The following C11orf65 variants were observed in gnomAD, a reference collection of about 807,000 sequenced individuals.
C11orf65 encodes the protein protein MFI.
C11orf65 carries 38 observed loss-of-function variants against 35.3 expected under a neutral mutation model. That is an observed-to-expected ratio of 1.08 (90% CI 0.83 to 1.41). The LOEUF is 1.41. C11orf65 is among the 40% of genes most tolerant of loss of function. The pLI is 0.00. For missense variants in C11orf65, 370 were observed against 367.1 expected (o/e 1.01, Z -0.06); for synonymous variants, 105 against 114.4 (o/e 0.92, Z 0.53).
chr11:108,336,041 A>T, intron 2 of C11orf65: 1 of 1,096,294 alleles, frequency 9.1e-7, no homozygotes, highest in Non-Finnish European at 1.4e-6. Flanking sequence ...TCATGCCCAT[A>T]TTCATAATGC....
chr11:108,404,460 T>C (rs1485978215), intron 6 of C11orf65, among the ~76,000 whole-genome samples: 1 of 152,158 alleles, frequency 6.6e-6, no homozygotes, highest in Non-Finnish European at 1.5e-5. Flanking sequence ...CAGGCTGGAG[T>C]GCAGTGGTGC....
At chr11:108,326,259 A>G (rs2136343046) in intron 6 of C11orf65, 5 of 1,612,128 alleles carry the variant, frequency 3.1e-6, no homozygotes, top group Non-Finnish European at 4.2e-6. Context: ...TTAGTGTTTT[A>G]CTGTTATTTA....
intron 3 of C11orf65, 22 bp downstream of exon 3, chr11:108,431,724 T>C (rs2092992931): frequency 8.1e-7 from 1 of 1,236,294 alleles, no homozygotes; most frequent in Non-Finnish European, 1.1e-6. Flanking sequence ...TAGGATGCTA[T>C]ATCAATAAGT....
chr11:108,322,129 A>T (rs2085276910), intron 6 of C11orf65, among the ~76,000 whole-genome samples: 1 of 151,670 alleles, frequency 6.6e-6, no homozygotes, highest in South Asian at 2.1e-4. Flanking sequence ...TTGTATACCT[A>T]GTGTTTTTGT....
At chr11:108,457,879 A>G (rs1381079204) in intron 2 of C11orf65, among the ~76,000 whole-genome samples, 2 of 152,206 alleles carry the variant, frequency 1.3e-5, no homozygotes, top group African/African-American at 4.8e-5. Context: ...TCCTTTTTTT[A>G]GAAGTCACCC....
At chr11:108,335,181 T>A in intron 3 of C11orf65, 1 of 1,606,918 alleles carries the variant, frequency 6.2e-7, no homozygotes, top group Non-Finnish European at 8.5e-7. Context: ...ATTTTCTTTC[T>A]GCTTTATTTG....
chr11:108,358,568 G>T (rs1411757905), intron 2 of C11orf65, among the ~76,000 whole-genome samples: 6 of 123,760 alleles, frequency 4.8e-5, no homozygotes, highest in African/African-American at 1.5e-4. Context: ...ACCCTCAAAG[G>T]GAAGCCCATC....
chr11:108,321,261 CTTCT>C lies in C11orf65; in HGVS notation c.641-12194_641-12191del, dbSNP rs570970161. Reference sequence around the variant, plus strand: ...TAAACATTTATTTCCCTGAAAACCTCTTCTTTATTTTCAGAGTGTCTTTTCTTTT... The same window carrying C: ...TAAACATTTATTTCCCTGAAAACCTCTTATTTTCAGAGTGTCTTTTCTTTT... On this transcript the variant is annotated intron_variant, in intron 6 of 6. Transcript: ENST00000525729. 8.7e-4 allele frequency: 1,400 copies of C among 1,612,412 alleles called. 1 individual carries two copies. The highest frequency in any genetic ancestry group is 1.1e-3 in the Non-Finnish European group (1,256 of 1,178,904).
chr11:108,444,009 C>CA (rs1323087571), intron 2 of C11orf65, among the ~76,000 whole-genome samples: 3 of 151,978 alleles, frequency 2.0e-5, no homozygotes, highest in East Asian at 1.9e-4. Flanking sequence ...AAAAACCCTT[C>CA]AAAAAATCAA....
intron 2 of C11orf65, among the ~76,000 whole-genome samples, chr11:108,359,255 A>T (rs2090415397): frequency 6.6e-6 from 1 of 151,698 alleles, no homozygotes; most frequent in African/African-American, 2.4e-5. Context: ...ACTATCCTAA[A>T]TATATATGCA....
chr11:108,316,745 TA>T (rs2084685055), intron 6 of C11orf65, among the ~76,000 whole-genome samples: 1 of 22,542 alleles, frequency 4.4e-5, no homozygotes, highest in Non-Finnish European at 9.0e-5. Context: ...CCGTCTCTAC[TA>T]AAAATACAAA....
chr11:108,403,409 G>GTTTTTT (rs71047691), intron 6 of C11orf65, among the ~76,000 whole-genome samples: 3,151 of 66,942 alleles, frequency 0.047, 239 homozygotes, highest in East Asian at 0.089. Context: ...TGTTTGAGAG[G>GTTTTTT]TTTTTTTTTT....
At chr11:108,317,648 T>TACACACACACACAC (rs1453200885) in intron 6 of C11orf65, 4 of 132,978 alleles carry the variant, frequency 3.0e-5, no homozygotes, top group African/African-American at 1.7e-4. Flanking sequence ...TATATATATA[T>TACACACACACACAC]ATATACACAC....
At chr11:108,449,575 C>T (rs540101810) in intron 2 of C11orf65, among the ~76,000 whole-genome samples, 48 of 152,092 alleles carry the variant, frequency 3.2e-4, no homozygotes, top group South Asian at 6.2e-4. Flanking sequence ...GGAAAACTGG[C>T]TAGCCATAGG....
chr11:108,385,895 T>A lies in C11orf65; in HGVS notation c.787+25A>T, dbSNP rs116293325. On this transcript the variant is annotated intron_variant, in intron 8 of 8. Coordinates refer to ENST00000393084, the MANE Select transcript of C11orf65 (RefSeq NM_152587.5). Reference sequence around the variant, plus strand: ...ATTTTTTGTTCATGAGAATTTCCTATAAAGTACTGCTAAAAATCACCTACC... The same window carrying A: ...ATTTTTTGTTCATGAGAATTTCCTAAAAAGTACTGCTAAAAATCACCTACC... The A allele has an allele frequency of 1.0e-3, 1,620 of 1,602,688 alleles. 18 individuals carry two copies. The African/African-American group carries it at 0.019, about 19-fold the overall frequency.
chr11:108,331,589 T>G (rs773681189), intron 3 of C11orf65: 3 of 1,553,198 alleles, frequency 1.9e-6, no homozygotes, highest in Non-Finnish European at 2.6e-6. Context: ...ACCACAATAA[T>G]TATTTTTATT....
At chr11:108,354,741 A>G in intron 2 of C11orf65, 3 of 1,287,860 alleles carry the variant, frequency 2.3e-6, no homozygotes, top group Middle Eastern at 1.9e-4. Context: ...ACATGAGAGT[A>G]TACAGATAAA....
intron 6 of C11orf65, among the ~76,000 whole-genome samples, chr11:108,317,800 T>C (rs2084878257): frequency 6.6e-6 from 1 of 151,406 alleles, no homozygotes. Flanking sequence ...AAGCAGTTAA[T>C]GCACCTAGGC....
At chr11:108,336,073 G>A in intron 2 of C11orf65, 3 of 793,992 alleles carry the variant, frequency 3.8e-6, no homozygotes, top group Non-Finnish European at 4.3e-6. Context: ...AAGGTGGGAG[G>A]ATTGCTTGAG....
Sources: gnomAD v4.1 joint callset for allele counts (sites outside exome capture counted in the v4.1 genomes callset) on GRCh38, gnomAD v4.1.1 for gene constraint, MANE v1.5 for transcripts, NCBI Gene and HGNC (gene_info 2026-07-23, HGNC 2026-07-21) for gene names.